Variants in EIF4G3 observed in about 807,000 individuals in gnomAD.
The protein encoded by EIF4G3 is eIF-4-gamma 3.
EIF4G3 carries 34 observed loss-of-function variants against 186.4 expected under a neutral mutation model. The ratio of observed to expected loss-of-function variants is 0.18; its 90% confidence interval spans 0.14 to 0.24. EIF4G3 has a LOEUF of 0.24. Among genes scored for constraint, EIF4G3 ranks in the 10% least tolerant of loss-of-function variants. The pLI is 1.00. For missense variants in EIF4G3, 1,536 were observed against 1,948.5 expected (o/e 0.79, Z 3.99); for synonymous variants, 673 against 679.5 (o/e 0.99, Z 0.15).
chr1:21,021,658 C>T (rs1342253689), intron 4 of EIF4G3, among the ~76,000 whole-genome samples: 4 of 152,018 alleles, frequency 2.6e-5, no homozygotes, highest in Middle Eastern at 3.2e-3. Context: ...TGGGTTCAAG[C>T]GATTCTCCTA....
chr1:20,859,033 G>T (rs1016270422), intron 24 of EIF4G3, among the ~76,000 whole-genome samples: 3 of 152,160 alleles, frequency 2.0e-5, no homozygotes, highest in Non-Finnish European at 4.4e-5. Flanking sequence ...TAAATTGAAA[G>T]ATCACCGAAC....
intron 7 of EIF4G3, among the ~76,000 whole-genome samples, chr1:20,992,761 A>G (rs2081392727): frequency 6.6e-6 from 1 of 152,210 alleles, no homozygotes; most frequent in South Asian, 2.1e-4. Context: ...TAGTCATAGT[A>G]TATAACCAAC....
chr1:20,903,497 G>A (rs539330804), intron 15 of EIF4G3, among the ~76,000 whole-genome samples: 1 of 152,308 alleles, frequency 6.6e-6, no homozygotes, highest in South Asian at 2.1e-4. Flanking sequence ...CAGCAGGAAT[G>A]TATGTGATTC....
intron 14 of EIF4G3, among the ~76,000 whole-genome samples, chr1:20,921,677 GAT>G (rs2094502350): frequency 6.6e-6 from 1 of 152,190 alleles, no homozygotes; most frequent in Non-Finnish European, 1.5e-5. Flanking sequence ...TCCAGCTTCT[GAT>G]ATTGCCAGGT....
chr1:21,109,947 G>C (rs2096690090), intron 2 of EIF4G3, among the ~76,000 whole-genome samples: 1 of 152,026 alleles, frequency 6.6e-6, no homozygotes, highest in Non-Finnish European at 1.5e-5. Context: ...ACCATACCCA[G>C]CTAATTTTTG....
intron 4 of EIF4G3, among the ~76,000 whole-genome samples, chr1:21,023,982 C>T (rs532719094): frequency 2.8e-5 from 4 of 141,036 alleles, no homozygotes; most frequent in Admixed American, 7.0e-5. Context: ...CGTCTCTGCC[C>T]GGCCGCCCAG....
rs189756388 is a variant in EIF4G3 at position 20,830,489 on chromosome 1, G to A, written c.4062-1217C>T. 3.9e-3 allele frequency among the ~76,000 whole-genome samples: 588 copies of A among 152,234 alleles called. 3 individuals carry two copies. Among genetic ancestry groups the A allele is most frequent in the Non-Finnish European group, 5.0e-3 (340 of 68,012 alleles). ...TTCTCTCATTATGTGCATACTTTGG[G>A]TTCAGTTAATGTACCACTGATGAAA... On this transcript the variant is annotated intron_variant, in intron 30 of 36. Transcript: ENST00000602326.
chr1:21,026,358 T>C (rs1245392454), intron 4 of EIF4G3, among the ~76,000 whole-genome samples: 6 of 152,114 alleles, frequency 3.9e-5, no homozygotes, highest in Non-Finnish European at 7.3e-5. Context: ...AGAATGAAGT[T>C]AGACCCTCAC....
In EIF4G3 at chr1:20,810,662, C is replaced by A. The variant is rs1031179585; in HGVS notation, c.4744+76G>T. On this transcript the variant is annotated intron_variant, in intron 36 of 36. Transcript: ENST00000602326. This position sits in a 1 kb window ranked among gnomAD's most constrained non-coding sequence, Gnocchi z 4.1. ...TCTTTTATTGTCCTTTGTTCGAACC[C>A]TAAATCATCTCTAAGTCCTGGCTTG... 11 of 1,512,250 alleles carry A rather than the reference C, an allele frequency of 7.3e-6. No homozygotes were observed. Among genetic ancestry groups the A allele is most frequent in the South Asian group, 2.3e-5 (2 of 86,518 alleles). The allele number at this position is 1,512,250 out of a possible 1,614,324, so 93.7% of individuals were successfully genotyped here. A position where few individuals can be genotyped will look rare whatever the true frequency, so the allele number is the denominator to read the frequency against.
At chr1:20,988,174 G>C (rs1405870913) in intron 7 of EIF4G3, 3 of 161,420 alleles carry the variant, frequency 1.9e-5, no homozygotes, top group African/African-American at 7.2e-5. Flanking sequence ...GAGGTTTAGT[G>C]AAAGCAGCTG....
chr1:21,167,475 C>T (rs773529575), intron 2 of EIF4G3, among the ~76,000 whole-genome samples: 12 of 152,130 alleles, frequency 7.9e-5, no homozygotes, highest in Non-Finnish European at 1.8e-4. Context: ...TCGAGACCAG[C>T]CTGGCCAATA....
chr1:21,012,077 G>T (rs1428251804), intron 4 of EIF4G3, among the ~76,000 whole-genome samples: 1 of 151,956 alleles, frequency 6.6e-6, no homozygotes, highest in Non-Finnish European at 1.5e-5. Context: ...TGAGAACACT[G>T]GCCTATATTG....
intron 3 of EIF4G3, among the ~76,000 whole-genome samples, chr1:21,069,778 G>A (rs745708244): frequency 6.6e-5 from 10 of 152,144 alleles, no homozygotes; most frequent in Non-Finnish European, 1.3e-4. Flanking sequence ...GGGAGAGGAG[G>A]GGGTAGGAAA....
In EIF4G3 at chr1:20,865,073, T is replaced by C. The variant is rs199914088; in HGVS notation, c.2769+43A>G. ...GCTTCCTGAAATTTCTACTTTACAG[T>C]GCTCAAAGTGTACAAGCACTGTCTT... is the stretch of plus-strand genomic sequence containing the variant. On this transcript the variant is annotated intron_variant, in intron 21 of 36. Coordinates refer to ENST00000602326, the MANE Select transcript of EIF4G3 (RefSeq NM_001391906.1). 97 of 1,608,826 alleles carry C rather than the reference T, an allele frequency of 6.0e-5. No individual in the cohort carries two copies. In the East Asian group the frequency reaches 2.1e-3, roughly 34 times the overall value.
At position 20,810,598 on chromosome 1, in the gene EIF4G3, T is replaced by G. The variant is rs1421559336; in HGVS notation, c.4744+140A>C. 9.3e-7 allele frequency: 1 copy of G among 1,075,084 alleles called. No individual in the cohort carries two copies. Among genetic ancestry groups the G allele is most frequent in the Non-Finnish European group, 1.3e-6 (1 of 754,980 alleles). The allele number at this position is 1,075,084 out of a possible 1,614,324, so 66.6% of individuals were successfully genotyped here. ...CCACTGCACCCGGCCAAATTCAAAT[T>G]TATTAAAGTTAGTTATATGAGTTTG... is the stretch of plus-strand genomic sequence containing the variant. On this transcript the variant is annotated intron_variant, in intron 36 of 36. Transcript: ENST00000602326. This position sits in a 1 kb window ranked among gnomAD's most constrained non-coding sequence, Gnocchi z 4.1.
chr1:20,937,898 A>T (rs891499217), intron 14 of EIF4G3, among the ~76,000 whole-genome samples: 8 of 152,230 alleles, frequency 5.3e-5, no homozygotes, highest in Non-Finnish European at 1.2e-4. Context: ...TGATATTAAA[A>T]GTGTGGCCAA....
intron 3 of EIF4G3, among the ~76,000 whole-genome samples, chr1:21,081,171 G>T (rs1404718874): frequency 4.6e-5 from 7 of 152,122 alleles, no homozygotes; most frequent in Non-Finnish European, 1.5e-5. Context: ...GGTGGCTCAC[G>T]CCTGTAATCC....
chr1:20,891,740 A>G (rs1205319607), intron 18 of EIF4G3, among the ~76,000 whole-genome samples: 1 of 151,314 alleles, frequency 6.6e-6, no homozygotes, highest in African/African-American at 2.4e-5. Context: ...CAGTGAGTGG[A>G]GATCACGCCA....
intron 13 of EIF4G3, 86 bp downstream of exon 13, chr1:20,949,917 G>A: frequency 8.0e-6 from 9 of 1,125,170 alleles, no homozygotes; most frequent in Non-Finnish European, 1.1e-5. Flanking sequence ...CTTGGATGCT[G>A]TACTCTTACT....
Sources: gnomAD v4.1 joint callset for allele counts (sites outside exome capture counted in the v4.1 genomes callset) on GRCh38, gnomAD v4.1.1 for gene constraint, Gnocchi (gnomAD v3.1) non-coding constraint, MANE v1.5 for transcripts, NCBI Gene and HGNC (gene_info 2026-07-23, HGNC 2026-07-21) for gene names.